ENPP1: variants seen among roughly 807,000 people sequenced by gnomAD.
The protein encoded by ENPP1 is ectonucleotide pyrophosphatase/phosphodiesterase 1.
Under a neutral mutation model 122.8 loss-of-function variants are expected in ENPP1, and 73 were observed. The ratio of observed to expected loss-of-function variants is 0.59; its 90% confidence interval spans 0.49 to 0.72. The LOEUF is 0.72. Ranked by LOEUF, ENPP1 falls within the 30% of genes least tolerant of loss-of-function variation. ENPP1 has a pLI of 0.00. For synonymous variants in ENPP1, 367 were observed against 391.6 expected, an observed-to-expected ratio of 0.94 and a Z score of 0.74; for missense variants, 978 against 1,128.1, an observed-to-expected ratio of 0.87 and a Z score of 1.91.
intron 18 of ENPP1, chr6:131,877,894 TATATAG>T (rs1782255999): frequency 8.7e-6 from 1 of 115,190 alleles, no homozygotes; most frequent in South Asian, 2.8e-4. Context: ...TATATATATA[TATATAG>T]CAATTTGGAG....
rs374135742 is a variant in ENPP1 at position 131,877,551 on chromosome 6, A to C, written c.1893+390A>C. 53 of 199,230 alleles carry C rather than the reference A, an allele frequency of 2.7e-4. No homozygotes were observed. In the East Asian group the frequency reaches 5.7e-3, roughly 22 times the overall value. 12.3% of individuals were successfully genotyped at this position (199,230 alleles called of 1,614,324 possible). A position where few individuals can be genotyped will look rare whatever the true frequency, so the allele number is the denominator to read the frequency against. ...CCAATCACAATGTACCTTTTTAAAA[A>C]TACAATTCAGATTGTTTAAATGTAG... is the stretch of plus-strand genomic sequence containing the variant. On this transcript the variant is annotated intron_variant, in intron 18 of 24. Transcript: ENST00000647893.
chr6:131,888,846 T>C (rs895213949), intron 24 of ENPP1, among the ~76,000 whole-genome samples: 1 of 152,200 alleles, frequency 6.6e-6, no homozygotes, highest in Non-Finnish European at 1.5e-5. Context: ...AGTAGGGTTC[T>C]GCAGCAAATA....
At position 131,837,536 on chromosome 6, in the gene ENPP1, A is replaced by C. The variant is rs577989086; in HGVS notation, c.241-10240A>C. On this transcript the variant is annotated intron_variant, in intron 1 of 24. Coordinates refer to ENST00000647893, the MANE Select transcript of ENPP1 (RefSeq NM_006208.3). ...ACTCTGTCTCAAAAAAAAAAAAAAA[A>C]AAAAAAACCCAACCAGCCAACCAAA... Among the ~76,000 whole-genome samples the C allele has an allele frequency of 1.2e-3, 182 of 151,252 alleles. 6 individuals carry two copies. The South Asian group carries it at 0.029, about 24-fold the overall frequency.
chr6:131,830,180 G>A (rs959037675), intron 1 of ENPP1, among the ~76,000 whole-genome samples: 3 of 152,128 alleles, frequency 2.0e-5, no homozygotes, highest in African/African-American at 7.2e-5. Flanking sequence ...TGGGTGTGAT[G>A]CTCTTTGGAG....
At chr6:131,871,818 G>T (rs1208649466) in intron 13 of ENPP1, among the ~76,000 whole-genome samples, 1 of 152,090 alleles carries the variant, frequency 6.6e-6, no homozygotes, top group Admixed American at 6.6e-5. Context: ...GAGATGGATG[G>T]ATAGGTAGAT....
At chr6:131,825,889 C>T in intron 1 of ENPP1, 1 of 296,324 alleles carries the variant, frequency 3.4e-6, no homozygotes, top group Non-Finnish European at 6.3e-6. Context: ...ACCCATTTTT[C>T]ATCTTTATTA....
chr6:131,874,340 G>A lies in ENPP1; in HGVS notation c.1635+3G>A, dbSNP rs1049721584. 6.5e-7 allele frequency: 1 copy of A among 1,526,898 alleles called. No individual in the cohort carries two copies. The highest frequency in any genetic ancestry group is 2.3e-5 in the East Asian group (1 of 44,286). The allele number at this position is 1,526,898 out of a possible 1,614,324, so 94.6% of individuals were successfully genotyped here. The stretch of plus-strand genomic sequence containing the variant: ...ACAATGTATTTTCAAATATGCAAGT[G>A]AGTAAACCTATTATACTTAATTGGA... On this transcript the variant is annotated splice_donor_region_variant and intron_variant, in intron 16 of 24. Transcript: ENST00000647893.
chr6:131,837,520 C>CAA (rs34431136), intron 1 of ENPP1, among the ~76,000 whole-genome samples: 107 of 81,096 alleles, frequency 1.3e-3, no homozygotes, highest in Non-Finnish European at 1.9e-3. Flanking sequence ...GACTCTGTCT[C>CAA]AAAAAAAAAA....
intron 6 of ENPP1, among the ~76,000 whole-genome samples, chr6:131,857,585 G>A (rs1781964526): frequency 6.6e-6 from 1 of 150,754 alleles, no homozygotes; most frequent in Non-Finnish European, 1.5e-5. Flanking sequence ...TCACTCATAG[G>A]TGGGAATTGA....
At chr6:131,812,386 G>C (rs1781365565) in intron 1 of ENPP1, among the ~76,000 whole-genome samples, 1 of 152,130 alleles carries the variant, frequency 6.6e-6, no homozygotes, top group Admixed American at 6.5e-5. Context: ...CCTGATATTG[G>C]CCCTTCTAAC....
At chr6:131,861,466 G>A (rs930978388) in intron 8 of ENPP1, 129 bp from the exon 9 acceptor site, 1 of 707,042 alleles carries the variant, frequency 1.4e-6, no homozygotes, top group South Asian at 1.5e-5. Flanking sequence ...TCATCTAAGT[G>A]CTGAAGCTTG....
chr6:131,808,283 C>T lies in ENPP1; in HGVS notation c.240+8C>T, dbSNP rs1383211181. On this transcript the variant is annotated splice_region_variant and intron_variant, in intron 1 of 24. Coordinates refer to ENST00000647893, the MANE Select transcript of ENPP1 (RefSeq NM_006208.3). The stretch of plus-strand genomic sequence containing the variant: ...TATAAAGTACTCTCGCTGGTAGGTC[C>T]GCGGCCAGGCCCCGGCGCCCGGGAG... 14 of 1,489,782 alleles carry T rather than the reference C, an allele frequency of 9.4e-6. No homozygotes were observed. The highest frequency in any genetic ancestry group is 1.3e-5 in the Non-Finnish European group (14 of 1,115,972). 92.3% of individuals were successfully genotyped at this position (1,489,782 alleles called of 1,614,324 possible). A position where few individuals can be genotyped will look rare whatever the true frequency, so the allele number is the denominator to read the frequency against.
Position 131,874,310 on chromosome 6 carries a change from C to T in ENPP1, c.1608C>T (p.Gly536=), listed in dbSNP as rs1562181918. Residue 536 remains glycine, a synonymous_variant, in exon 16 of 25, where the codon GGC becomes GGT. Transcript: ENST00000647893. ...AATATTGTGGAAGTGGATTTCATGGCTCTGACAATGTATTTTCAAATATGC... is the reference window on the plus strand; with the variant it reads ...AATATTGTGGAAGTGGATTTCATGGTTCTGACAATGTATTTTCAAATATGC... ...ERKYCGSGFH[G]SDNVFSNMQA... The T allele has an allele frequency of 1.9e-6, 3 of 1,594,974 alleles. No individual in the cohort carries two copies. Among genetic ancestry groups the T allele is most frequent in the East Asian group, 4.5e-5 (2 of 44,612 alleles).
intron 1 of ENPP1, among the ~76,000 whole-genome samples, chr6:131,823,634 C>T (rs1781508100): frequency 6.6e-6 from 1 of 151,758 alleles, no homozygotes; most frequent in Non-Finnish European, 1.5e-5. Flanking sequence ...AGGCACCCAC[C>T]AAGACCCAAC....
At chr6:131,869,754 G>A (rs1221591551) in intron 13 of ENPP1, among the ~76,000 whole-genome samples, 1 of 151,642 alleles carries the variant, frequency 6.6e-6, no homozygotes, top group African/African-American at 2.4e-5. Flanking sequence ...TGCTCTGGAG[G>A]CTGAGGTACA....
intron 24 of ENPP1, among the ~76,000 whole-genome samples, chr6:131,887,179 A>G (rs1197456776): frequency 6.6e-6 from 1 of 152,008 alleles, no homozygotes; most frequent in African/African-American, 2.4e-5. Context: ...AACTGGATGT[A>G]TAATTTCAAA....
In ENPP1 at chr6:131,851,279, G is replaced by T; in HGVS notation, c.556+12G>T. On this transcript the variant is annotated intron_variant, in intron 4 of 24. Coordinates refer to ENST00000647893, the MANE Select transcript of ENPP1 (RefSeq NM_006208.3). ...TTCTGTGTGTCAAGGTCAGGTGCTC[G>T]TTGGGCTCTGCAGCAGCCTGGTATC... 1 of 1,614,014 alleles carries T rather than the reference G, an allele frequency of 6.2e-7. No individual in the cohort carries two copies. The highest frequency in any genetic ancestry group is 8.5e-7 in the Non-Finnish European group (1 of 1,179,936).
intron 1 of ENPP1, among the ~76,000 whole-genome samples, chr6:131,829,344 A>G (rs2114668824): frequency 6.6e-6 from 1 of 152,358 alleles, no homozygotes; most frequent in South Asian, 2.1e-4. Flanking sequence ...AACTATTTTC[A>G]GGATTGGGGG....
chr6:131,855,532 C>T (rs1282770478), intron 6 of ENPP1, among the ~76,000 whole-genome samples: 2 of 151,960 alleles, frequency 1.3e-5, no homozygotes, highest in Non-Finnish European at 2.9e-5. Flanking sequence ...TGCCATGTTG[C>T]TCAGGCTGGT....
Sources: allele counts gnomAD v4.1 joint callset (sites outside exome capture counted in the v4.1 genomes callset), GRCh38; gene constraint gnomAD v4.1.1; transcripts MANE v1.5; gene names NCBI Gene and HGNC (gene_info 2026-07-23, HGNC 2026-07-21).